ESR2: variants seen among roughly 807,000 people sequenced by gnomAD.
ESR2 encodes estrogen receptor 2.
ESR2 carries 36 observed loss-of-function variants against 49.6 expected under a neutral mutation model. The observed-to-expected ratio is 0.73, with a 90% CI of 0.56 to 0.96. ESR2 has a LOEUF of 0.96. ESR2 is among the 40% of genes least tolerant of loss of function. ESR2 has a pLI of 0.00. For synonymous variants in ESR2, 320 were observed against 266.1 expected (o/e 1.20, Z -1.97); for missense variants, 714 against 693.0 (o/e 1.03, Z -0.34).
In ESR2 at chr14:64,324,742, C is replaced by T. The variant is rs776661018; in HGVS notation, c.-91+13156G>A. On this transcript the variant is annotated intron_variant, in intron 1 of 8. Coordinates refer to the ESR2 transcript ENST00000358599. Reference sequence around the variant, plus strand: ...AATACTTCCTGATAGTTAACAGTTACGTTTAGAGTGACATTGTGGGGACAA... The same window carrying T: ...AATACTTCCTGATAGTTAACAGTTATGTTTAGAGTGACATTGTGGGGACAA... Among the ~76,000 whole-genome samples, 59 of 152,024 alleles carry T rather than the reference C, an allele frequency of 3.9e-4. 2 individuals carry two copies. Among genetic ancestry groups the T allele is most frequent in the Admixed American group, 3.4e-3 (52 of 15,258 alleles).
At chr14:64,254,752 C>T (rs1290067603) in intron 6 of ESR2, among the ~76,000 whole-genome samples, 1 of 149,786 alleles carries the variant, frequency 6.7e-6, no homozygotes, top group African/African-American at 2.5e-5. Context: ...AGCGAGACTC[C>T]ATCTCAAAAA....
downstream of ESR2, chr14:64,228,103 T>A (rs749706143): frequency 2.3e-6 from 3 of 1,312,462 alleles, no homozygotes; most frequent in African/African-American, 1.5e-5. Context: ...GAAATTGTTC[T>A]TTTTAAGAAG....
At chr14:64,253,166 C>T (rs545619472) in intron 6 of ESR2, among the ~76,000 whole-genome samples, 1 of 151,766 alleles carries the variant, frequency 6.6e-6, no homozygotes, top group African/African-American at 2.4e-5. Context: ...AATAATCACT[C>T]TTTATAAAAT....
intron 1 of ESR2, among the ~76,000 whole-genome samples, chr14:64,337,047 T>A (rs1219959257): frequency 6.6e-6 from 1 of 152,234 alleles, no homozygotes. Context: ...AACAGTTCAC[T>A]ACGGTATCTG....
intron 3 of ESR2, among the ~76,000 whole-genome samples, chr14:64,278,570 G>A (rs529280564): frequency 6.6e-6 from 1 of 152,306 alleles, no homozygotes; most frequent in African/African-American, 2.4e-5. Flanking sequence ...TTGGGGCTTT[G>A]ATAGAAAAAG....
chr14:64,269,351 C>T (rs2076393031), intron 3 of ESR2, among the ~76,000 whole-genome samples: 1 of 152,112 alleles, frequency 6.6e-6, no homozygotes, highest in Non-Finnish European at 1.5e-5. Context: ...AATAAAATAA[C>T]AAAAGGAACA....
At chr14:64,293,444 C>T (rs2076904562) in intron 1 of ESR2, among the ~76,000 whole-genome samples, 1 of 152,190 alleles carries the variant, frequency 6.6e-6, no homozygotes, top group Non-Finnish European at 1.5e-5. Context: ...GAAGTCCACT[C>T]AAAGTTTTTT....
chr14:64,272,567 T>C (rs1410432903), intron 3 of ESR2, among the ~76,000 whole-genome samples: 2 of 152,212 alleles, frequency 1.3e-5, no homozygotes, highest in African/African-American at 4.8e-5. Context: ...TGGACTTGAT[T>C]TTTGTATATG....
At chr14:64,252,319 A>C (rs1459663721) in intron 6 of ESR2, among the ~76,000 whole-genome samples, 2 of 152,058 alleles carry the variant, frequency 1.3e-5, no homozygotes, top group Non-Finnish European at 2.9e-5. Context: ...CTAAAAAAAA[A>C]AAAACAAAAA....
In ESR2 at chr14:64,235,466, C is replaced by T. The variant is rs554667335; in HGVS notation, c.1226-316G>A. Among the ~76,000 whole-genome samples the T allele has an allele frequency of 2.0e-5, 3 of 152,358 alleles. No individual in the cohort carries two copies. The East Asian group carries it at 5.8e-4, about 29-fold the overall frequency. ...CCCGAAATCATTACGTGGTGTTTCTCATCTGCAGCAACAGATACAGAGATG... is the reference window on the plus strand; with the variant it reads ...CCCGAAATCATTACGTGGTGTTTCTTATCTGCAGCAACAGATACAGAGATG... On this transcript the variant is annotated intron_variant, in intron 7 of 8. Transcript: ENST00000341099.
intron 1 of ESR2, among the ~76,000 whole-genome samples, chr14:64,323,768 T>C (rs527542680): frequency 1.3e-5 from 2 of 152,316 alleles, no homozygotes; most frequent in East Asian, 3.9e-4. Context: ...CTCAGCTCAC[T>C]GCAACCTCCA....
intron 1 of ESR2, among the ~76,000 whole-genome samples, chr14:64,332,731 C>T (rs1165466447): frequency 6.9e-6 from 1 of 145,870 alleles, no homozygotes; most frequent in African/African-American, 2.5e-5. Context: ...ACCCAGGAGG[C>T]GGAGCTTGCA....
intron 1 of ESR2, among the ~76,000 whole-genome samples, chr14:64,319,400 T>C (rs2077298869): frequency 6.6e-6 from 1 of 151,516 alleles, no homozygotes; most frequent in African/African-American, 2.4e-5. Context: ...AAAAGCAAGA[T>C]TCATGAAAAA....
chr14:64,296,517 C>T (rs1285692663), upstream of ESR2, among the ~76,000 whole-genome samples: 3 of 152,226 alleles, frequency 2.0e-5, no homozygotes, highest in Non-Finnish European at 4.4e-5. Flanking sequence ...AACAACCTCC[C>T]TATGGTCACA....
chr14:64,335,703 T>C (rs1266148619), intron 1 of ESR2: 1 of 150,238 alleles, frequency 6.7e-6, no homozygotes, highest in Non-Finnish European at 1.5e-5. Flanking sequence ...CTATCTCCCA[T>C]ATCTACACAT....
intron 3 of ESR2, among the ~76,000 whole-genome samples, chr14:64,270,977 G>A (rs2076434407): frequency 6.6e-6 from 1 of 152,146 alleles, no homozygotes; most frequent in Non-Finnish European, 1.5e-5. Context: ...GAAGTACAAC[G>A]ATGTTTTTCA....
chr14:64,261,239 C>CTTTTTT, intron 4 of ESR2, among the ~76,000 whole-genome samples: 1 of 127,106 alleles, frequency 7.9e-6, no homozygotes. Context: ...TTTCTTTTTT[C>CTTTTTT]TTTTTTTTTT....
rs2140585295 is a variant in ESR2 at position 64,229,189 on chromosome 14, CAT to C, written c.*3946_*3947del. ...TGTTGTGTAAAGGCTCATGCAGACC[CAT>C]CTAAGCTGAGGAGATGGGATCTAAA... On this transcript the variant is annotated 3_prime_UTR_variant, in exon 9 of 9. Transcript: ENST00000341099. Among the ~76,000 whole-genome samples the C allele has an allele frequency of 1.3e-5, 2 of 152,190 alleles. No individual in the cohort carries two copies. Among genetic ancestry groups the C allele is most frequent in the East Asian group, 3.9e-4 (2 of 5,186 alleles).
intron 2 of ESR2, among the ~76,000 whole-genome samples, chr14:64,281,895 G>A (rs114355812): frequency 2.6e-5 from 4 of 152,144 alleles, no homozygotes; most frequent in African/African-American, 9.7e-5. Flanking sequence ...CGCATGTCTA[G>A]AATTTCATTT....
Sources: allele counts gnomAD v4.1 joint callset (sites outside exome capture counted in the v4.1 genomes callset), GRCh38; gene constraint gnomAD v4.1.1; transcripts MANE v1.5; gene names NCBI Gene and HGNC (gene_info 2026-07-23, HGNC 2026-07-21).